EIF2A: variants seen among roughly 807,000 people sequenced by gnomAD.
EIF2A encodes eukaryotic translation initiation factor 2A.
A neutral mutation model predicts 75.2 loss-of-function variants in EIF2A; 62 were observed. The ratio of observed to expected loss-of-function variants is 0.82; its 90% CI spans 0.67 to 1.02. The LOEUF is 1.02. Ranked by LOEUF, EIF2A falls within the 50% of genes least tolerant of loss-of-function variation. The pLI, the probability that EIF2A is intolerant of heterozygous loss-of-function variation, is 0.00. For synonymous variants in EIF2A, 207 were observed against 239.0 expected (o/e 0.87, Z 1.23); for missense variants, 611 against 677.7 (o/e 0.90, Z 1.09).
rs776808258 is a variant in EIF2A at position 150,583,900 on chromosome 3, T to C, written c.1747T>C (p.Leu583=). The change falls in exon 14 of 14, where the codon TTG becomes CTG. Residue 583 remains leucine (L), a synonymous_variant. Transcript: ENST00000460851. The part of the protein sequence containing the change: ...ALLQELEDLE[L]GI ...TCTCCAGGAGCTGGAAGATTTGGAA[T>C]TGGGTATTTAAAGATTCACGGAAAG... The C allele has an allele frequency of 9.3e-6, 15 of 1,613,466 alleles. 1 individual carries two copies. The South Asian group carries it at 1.5e-4, about 17-fold the overall frequency.
intron 9 of EIF2A, 100 bp from the exon 10 acceptor site, chr3:150,571,858 C>T: frequency 9.6e-7 from 1 of 1,044,670 alleles, no homozygotes. Context: ...ATTTTTTTAT[C>T]TGTTTGATGT....
At chr3:150,547,605 A>G (rs1451837766) in intron 1 of EIF2A, among the ~76,000 whole-genome samples, 1 of 152,192 alleles carries the variant, frequency 6.6e-6, no homozygotes, top group Non-Finnish European at 1.5e-5. Context: ...GTTTTGGTTA[A>G]GTTCTGATAA....
intron 1 of EIF2A, among the ~76,000 whole-genome samples, chr3:150,548,514 A>C (rs1021090251): frequency 2.6e-4 from 39 of 152,156 alleles, no homozygotes; most frequent in Admixed American, 7.9e-4. Context: ...TAGATACTCT[A>C]AATCAGGGGT....
intron 3 of EIF2A, among the ~76,000 whole-genome samples, chr3:150,561,555 G>A (rs1723854092): frequency 6.6e-6 from 1 of 152,192 alleles, no homozygotes; most frequent in Non-Finnish European, 1.5e-5. Context: ...TCCAGCCTGG[G>A]TGACAGAGTG....
intron 11 of EIF2A, among the ~76,000 whole-genome samples, chr3:150,577,811 GT>G (rs1277433087): frequency 6.6e-6 from 1 of 152,094 alleles, no homozygotes; most frequent in Non-Finnish European, 1.5e-5. Context: ...CTGGTTATGT[GT>G]TTTGGGAGGC....
chr3:150,562,689 C>A (rs1390902451), intron 4 of EIF2A, 29 bp downstream of exon 4: 2 of 1,531,660 alleles, frequency 1.3e-6, no homozygotes, highest in East Asian at 2.3e-5. Context: ...TAAAAATACT[C>A]TGACACGATC....
At chr3:150,563,714 T>C (rs529805560) in intron 5 of EIF2A, 100 bp downstream of exon 5, 10 of 966,002 alleles carry the variant, frequency 1.0e-5, no homozygotes, top group Middle Eastern at 3.3e-4. Flanking sequence ...AAATAACTTA[T>C]CAGACAAAAA....
chr3:150,571,305 A>G (rs1232493971), intron 9 of EIF2A, among the ~76,000 whole-genome samples: 2 of 151,902 alleles, frequency 1.3e-5, no homozygotes, highest in African/African-American at 4.8e-5. Flanking sequence ...GTGCCCAACT[A>G]ATTTTTCTAG....
chr3:150,579,739 T>C (rs145384229), intron 11 of EIF2A, among the ~76,000 whole-genome samples: 2,603 of 151,984 alleles, frequency 0.017, 80 homozygotes, highest in African/African-American at 0.06. Flanking sequence ...ACTTCAATTC[T>C]GTATTTTCTA....
At position 150,572,284 on chromosome 3, in the gene EIF2A, A is replaced by G. The variant is rs1163148332; in HGVS notation, c.1138A>G (p.Arg380Gly). Reference sequence around the variant, plus strand: ...TATTTTAACAGCTACATGTGCTCCCAGGTTACGGGTTAATAATGGATACAA... The same window carrying G: ...TATTTTAACAGCTACATGTGCTCCCGGGTTACGGGTTAATAATGGATACAA... ...EHILTATCAP[R>G]LRVNNGYKIW... Residue 380 changes from arginine (R) to glycine (G), a missense_variant, in exon 10 of 14, where the codon AGG becomes GGG. By Grantham distance (125) the Arg-to-Gly change is moderately radical. Coordinates refer to ENST00000460851, the MANE Select transcript of EIF2A (RefSeq NM_032025.5). 6.2e-7 allele frequency: 1 copy of G among 1,613,974 alleles called. No individual in the cohort carries two copies. Among genetic ancestry groups the G allele is most frequent in the South Asian group, 1.1e-5 (1 of 91,074 alleles).
intron 9 of EIF2A, among the ~76,000 whole-genome samples, chr3:150,568,806 C>T (rs937201297): frequency 4.6e-5 from 7 of 152,060 alleles, no homozygotes; most frequent in African/African-American, 1.4e-4. Context: ...AGTCCCAGCT[C>T]CTCAGGAGAC....
intron 2 of EIF2A, among the ~76,000 whole-genome samples, chr3:150,553,602 A>G (rs1723426731): frequency 6.6e-6 from 1 of 151,894 alleles, no homozygotes; most frequent in Admixed American, 6.6e-5. Flanking sequence ...GTAGTGACAG[A>G]GTTTCACCGT....
chr3:150,569,626 C>G (rs995560556), intron 9 of EIF2A, among the ~76,000 whole-genome samples: 9 of 152,108 alleles, frequency 5.9e-5, no homozygotes, highest in African/African-American at 2.2e-4. Context: ...ACCATCCTGG[C>G]TAACATGGTG....
intron 1 of EIF2A, 90 bp from the exon 2 acceptor site, chr3:150,552,266 G>T: frequency 9.7e-7 from 1 of 1,036,250 alleles, no homozygotes; most frequent in Non-Finnish European, 1.4e-6. Context: ...TTAATATTTT[G>T]ACTAAAGCTG....
rs1171151508 is a variant in EIF2A at position 150,585,722 on chromosome 3, C to T, written c.*1811C>T. On this transcript the variant is annotated 3_prime_UTR_variant, in exon 14 of 14. Coordinates refer to ENST00000460851, the MANE Select transcript of EIF2A (RefSeq NM_032025.5). ...AGACTGACTGTGCCACCTTAAAACT[C>T]GTATGTTGAAGCCCTAACCTCCAAC... 2.6e-5 allele frequency among the ~76,000 whole-genome samples: 4 copies of T among 152,114 alleles called. No homozygotes were observed. Among genetic ancestry groups the T allele is most frequent in the Non-Finnish European group, 5.9e-5 (4 of 68,022 alleles).
intron 3 of EIF2A, 111 bp downstream of exon 3, chr3:150,558,573 C>A: frequency 1.0e-6 from 1 of 962,802 alleles, no homozygotes. Flanking sequence ...CTTTTAATGT[C>A]ATGATGTAGT....
intron 2 of EIF2A, chr3:150,557,589 A>T: frequency 3.6e-6 from 1 of 279,234 alleles, no homozygotes; most frequent in South Asian, 2.7e-5. Flanking sequence ...TATTAGAGAC[A>T]GGGTTTCGCC....
intron 3 of EIF2A, among the ~76,000 whole-genome samples, chr3:150,560,149 C>T (rs1723775290): frequency 6.6e-6 from 1 of 152,158 alleles, no homozygotes; most frequent in Non-Finnish European, 1.5e-5. Context: ...CTCATATCCA[C>T]ACTTAACCTT....
intron 11 of EIF2A, among the ~76,000 whole-genome samples, chr3:150,576,485 T>C (rs557711162): frequency 1.7e-3 from 261 of 152,278 alleles, no homozygotes; most frequent in Non-Finnish European, 2.3e-3. Context: ...TAAAATGTAG[T>C]TGGAGTTAGA....
Sources: gnomAD v4.1 joint callset for allele counts (sites outside exome capture counted in the v4.1 genomes callset) on GRCh38, gnomAD v4.1.1 for gene constraint, MANE v1.5 for transcripts, NCBI Gene and HGNC (gene_info 2026-07-23, HGNC 2026-07-21) for gene names.